Variants in DDX46 observed in about 807,000 individuals in gnomAD.
DDX46 encodes probable ATP-dependent RNA helicase DDX46.
A neutral mutation model predicts 134.9 loss-of-function variants in DDX46; 30 were observed. The observed-to-expected ratio is 0.22, with a 90% CI of 0.17 to 0.30. The LOEUF is 0.30. Among genes scored for constraint, DDX46 ranks in the 10% least tolerant of loss-of-function variants. DDX46 has a pLI of 1.00. For synonymous variants in DDX46, 415 were observed against 404.1 expected, an observed-to-expected ratio of 1.03 and a Z score of -0.32; for missense variants, 622 against 1,248.7, an observed-to-expected ratio of 0.50 and a Z score of 7.56.
intron 8 of DDX46, 84 bp downstream of exon 8, chr5:134,782,170 G>A: frequency 7.6e-7 from 1 of 1,309,268 alleles, no homozygotes; most frequent in Non-Finnish European, 1.0e-6. Context: ...TGTGGATAGT[G>A]TCTCATGAAG....
intron 1 of DDX46, among the ~76,000 whole-genome samples, chr5:134,761,087 A>G (rs922987106): frequency 4.5e-4 from 68 of 151,570 alleles, no homozygotes; most frequent in African/African-American, 1.5e-3. Context: ...GTGCATTGAA[A>G]CAATCTTGGC....
intron 6 of DDX46, among the ~76,000 whole-genome samples, chr5:134,780,093 A>AAT (rs1242465153): frequency 1.0e-4 from 13 of 125,564 alleles, no homozygotes; most frequent in East Asian, 5.1e-4. Flanking sequence ...GTCTGAAAAA[A>AAT]ATATATGTGT....
chr5:134,790,526 A>G lies in DDX46; in HGVS notation c.1600A>G (p.Met534Val). The G allele has an allele frequency of 6.2e-7, 1 of 1,613,408 alleles. No homozygotes were observed. The highest frequency in any genetic ancestry group is 8.5e-7 in the Non-Finnish European group (1 of 1,179,818). ...TYVVLDEADR[M>V]FDMGFEPQVM... is the part of the protein sequence containing the mutation. ...TGTTGTTTTAGATGAAGCAGACAGA[A>G]TGTTTGACATGGGTTTTGAACCCCA... Residue 534 changes from methionine (M) to valine (V), a missense_variant, in exon 13 of 23, where the codon ATG (methionine) becomes GTG (valine). Around this residue, in one of 8 missense-constraint regions of DDX46, gnomAD observed 209 missense variants for 508.4 expected, o/e 0.41. Transcript: ENST00000452510.
chr5:134,815,724 A>AC (rs1275479335), intron 18 of DDX46, among the ~76,000 whole-genome samples: 1 of 150,968 alleles, frequency 6.6e-6, no homozygotes, highest in Non-Finnish European at 1.5e-5. Flanking sequence ...AAAAAAAAAA[A>AC]AAAAAAAAGA....
intron 15 of DDX46, among the ~76,000 whole-genome samples, chr5:134,800,380 A>G (rs1754790362): frequency 6.6e-6 from 1 of 152,184 alleles, no homozygotes; most frequent in Non-Finnish European, 1.5e-5. Flanking sequence ...GCCTTTTGAG[A>G]TTGATCCATG....
At chr5:134,763,388 A>T (rs1249633312) in intron 1 of DDX46, among the ~76,000 whole-genome samples, 1 of 152,048 alleles carries the variant, frequency 6.6e-6, no homozygotes, top group African/African-American at 2.4e-5. Context: ...ACCTCGTCTT[A>T]TGGCACGCTG....
rs972607028 is a variant in DDX46, at chr5:134,783,088, T to A, written c.1166+23T>A. 41 of 1,610,248 alleles carry A rather than the reference T, an allele frequency of 2.5e-5. No individual in the cohort carries two copies. In the African/African-American group the frequency reaches 5.5e-4, roughly 22 times the overall value. On this transcript the variant is annotated intron_variant, in intron 9 of 22. Coordinates refer to ENST00000452510, the MANE Select transcript of DDX46 (RefSeq NM_001300860.2). The stretch of plus-strand genomic sequence containing the variant: ...GAAGTAAGTGGTTGGTGGTTGTTTA[T>A]GTTTTCCGTGTCTTGCTGCTCAAAA...
At chr5:134,774,395 T>C (rs549880471) in intron 5 of DDX46, among the ~76,000 whole-genome samples, 14 of 152,324 alleles carry the variant, frequency 9.2e-5, no homozygotes, top group African/African-American at 3.1e-4. Context: ...CCTTTTGTTA[T>C]CGTGAGTAAT....
At chr5:134,772,427 TAGG>T (rs1753802048) in intron 4 of DDX46, among the ~76,000 whole-genome samples, 1 of 150,584 alleles carries the variant, frequency 6.6e-6, no homozygotes, top group South Asian at 2.1e-4. Context: ...GAGGCTGAGA[TAGG>T]AGAATGGCTT....
chr5:134,817,672 T>C lies in DDX46; in HGVS notation c.2790T>C (p.Phe930=), dbSNP rs1755319272. The C allele has an allele frequency of 1.2e-6, 2 of 1,614,026 alleles. No homozygotes were observed. Among genetic ancestry groups the C allele is most frequent in the Non-Finnish European group, 1.7e-6 (2 of 1,180,016 alleles). ...AGGATGGTGGACAGAATGAATCTTTTAAGAGATATGAAGAAGAATTAGAGA... is the reference window on the plus strand; with the variant it reads ...AGGATGGTGGACAGAATGAATCTTTCAAGAGATATGAAGAAGAATTAGAGA... ...ERQDGGQNES[F]KRYEEELEIN... is the part of the protein sequence containing the mutation. The change falls in exon 20 of 23, where the codon TTT becomes TTC. Residue 930 remains phenylalanine (F), a synonymous_variant. Coordinates refer to ENST00000452510, the MANE Select transcript of DDX46 (RefSeq NM_001300860.2).
At chr5:134,788,488 T>C in intron 11 of DDX46, 25 bp from the exon 12 acceptor site, 1 of 1,596,626 alleles carries the variant, frequency 6.3e-7, no homozygotes, top group Non-Finnish European at 8.6e-7. Flanking sequence ...AGTAATAGAC[T>C]ATAAAGTTTC....
intron 6 of DDX46, 77 bp from the exon 7 acceptor site, chr5:134,781,056 A>G: frequency 1.0e-6 from 1 of 983,076 alleles, no homozygotes; most frequent in East Asian, 2.8e-5. Flanking sequence ...AAATTGTGTC[A>G]GTTACTGTGT....
At chr5:134,783,355 G>C (rs1754217483) in intron 9 of DDX46, among the ~76,000 whole-genome samples, 1 of 150,112 alleles carries the variant, frequency 6.7e-6, no homozygotes, top group South Asian at 2.1e-4. Context: ...CCGGGCTCAA[G>C]CAGTTCTCCT....
chr5:134,764,187 G>C, intron 2 of DDX46, 95 bp downstream of exon 2: 3 of 1,291,458 alleles, frequency 2.3e-6, no homozygotes, highest in Non-Finnish European at 3.1e-6. Flanking sequence ...ACTGGAGTTT[G>C]GTGGCCCAAT....
chr5:134,826,052 A>T (rs1237155813), intron 21 of DDX46: 1 of 152,194 alleles, frequency 6.6e-6, no homozygotes, highest in Non-Finnish European at 1.5e-5. Context: ...TGCTCTTGTG[A>T]TGGTATAAAT....
chr5:134,818,139 A>G (rs887469719), intron 20 of DDX46, among the ~76,000 whole-genome samples: 3 of 151,546 alleles, frequency 2.0e-5, no homozygotes, highest in African/African-American at 7.3e-5. Flanking sequence ...TAGTATTTTT[A>G]GTAGAGACAG....
At position 134,763,996 on chromosome 5, in the gene DDX46, A is replaced by T. The variant is rs148583666; in HGVS notation, c.110A>T (p.Asp37Val). The T allele has an allele frequency of 1.2e-6, 2 of 1,614,120 alleles. No homozygotes were observed. The highest frequency in any genetic ancestry group is 2.7e-5 in the African/African-American group (2 of 74,944). ...GACAAAAGAAGTAAACGTGGAGATG[A>T]CAGACGGTCTAGAAGTAGAGATAGA... ...PSDKRSKRGDDRRSRSRDRDR... is the reference protein window; with the variant it reads ...PSDKRSKRGDVRRSRSRDRDR... Residue 37 changes from aspartate to valine, a missense_variant, in exon 2 of 23, where the codon GAC (aspartate) becomes GTC (valine). Coordinates refer to ENST00000452510, the MANE Select transcript of DDX46 (RefSeq NM_001300860.2).
Position 134,794,960 on chromosome 5 carries a change from T to G in DDX46, c.1737T>G (p.Ile579Met). The stretch of plus-strand genomic sequence containing the variant: ...CTCGCAGGATCCTCAGTAAACCTAT[T>G]GAAGTACAAGTTGGAGGCAGGAGTG... The part of the protein sequence containing the change: ...ALARRILSKP[I>M]EVQVGGRSVV... Residue 579 changes from isoleucine (I) to methionine (M), a missense_variant, in exon 14 of 23, where the codon ATT becomes ATG. Physicochemically the swap from Ile to Met is conservative, Grantham distance 10 (BLOSUM62 1). Coordinates refer to ENST00000452510, the MANE Select transcript of DDX46 (RefSeq NM_001300860.2). 1 of 1,614,214 alleles carries G rather than the reference T, an allele frequency of 6.2e-7. No homozygotes were observed.
At chr5:134,771,243 C>T (rs568402946) in intron 4 of DDX46, among the ~76,000 whole-genome samples, 7 of 151,690 alleles carry the variant, frequency 4.6e-5, no homozygotes, top group Admixed American at 1.3e-4. Context: ...TATAGGCATG[C>T]GCCACCATGC....
Sources: gnomAD v4.1 joint callset for allele counts (sites outside exome capture counted in the v4.1 genomes callset) on GRCh38, gnomAD v4.1.1 for gene constraint, gnomAD v4.1.1 regional missense constraint, MANE v1.5 for transcripts, NCBI Gene and HGNC (gene_info 2026-07-23, HGNC 2026-07-21) for gene names.